The following SLC41A2 variants were observed in gnomAD, a reference collection of about 807,000 sequenced individuals.
SLC41A2 encodes solute carrier family 41 member 2, also known as SLC41A1-like 1.
In SLC41A2, 32 loss-of-function variants were observed where a neutral mutation model predicts 58.3. The observed-to-expected ratio is 0.55, with a 90% confidence interval of 0.41 to 0.74. The LOEUF is 0.74. SLC41A2 is among the 30% of genes least tolerant of loss of function. SLC41A2 has a pLI of 0.00. For synonymous variants in SLC41A2, 190 were observed against 235.0 expected, an observed-to-expected ratio of 0.81 and a Z score of 1.75; for missense variants, 514 against 680.6, an observed-to-expected ratio of 0.76 and a Z score of 2.72.
chr12:104,805,065 T>C lies in SLC41A2; in HGVS notation c.*87A>G. The C allele has an allele frequency of 3.4e-6, 4 of 1,182,200 alleles. No homozygotes were observed. The South Asian group carries it at 7.5e-5, about 22-fold the overall frequency. The allele number at this position is 1,182,200 out of a possible 1,614,324, so 73.2% of individuals were successfully genotyped here. ...AAGATTACCCTGGCAAAAGTCAAAC[T>C]ACTGATTTAAGAGTTTTGAAAAAGA... On this transcript the variant is annotated 3_prime_UTR_variant, in exon 11 of 11. Transcript: ENST00000258538.
chr12:104,926,903 C>A (rs2046865120), intron 2 of SLC41A2, among the ~76,000 whole-genome samples: 1 of 151,932 alleles, frequency 6.6e-6, no homozygotes, highest in Non-Finnish European at 1.5e-5. Context: ...CTGGGCAACA[C>A]AGCAAGACCT....
intron 10 of SLC41A2, among the ~76,000 whole-genome samples, chr12:104,843,743 G>A (rs912402517): frequency 2.0e-5 from 3 of 152,180 alleles, no homozygotes; most frequent in South Asian, 2.1e-4. Context: ...TCCTCCACAC[G>A]ATGCATTGCT....
intron 1 of SLC41A2, among the ~76,000 whole-genome samples, chr12:104,953,510 C>A (rs1470426074): frequency 6.6e-6 from 1 of 152,212 alleles, no homozygotes; most frequent in African/African-American, 2.4e-5. Flanking sequence ...CAGACAGGCT[C>A]CACCCGTGAG....
At chr12:104,837,349 G>A (rs921182069) in intron 10 of SLC41A2, among the ~76,000 whole-genome samples, 3 of 152,126 alleles carry the variant, frequency 2.0e-5, no homozygotes, top group African/African-American at 7.2e-5. Context: ...ACTTTCTGGG[G>A]TCAAAGGCTG....
intron 10 of SLC41A2, among the ~76,000 whole-genome samples, chr12:104,841,075 C>G (rs2042392218): frequency 6.6e-6 from 1 of 152,148 alleles, no homozygotes; most frequent in East Asian, 1.9e-4. Context: ...TAACCCCACT[C>G]ACTCTCAGGA....
At chr12:104,895,476 G>T in intron 3 of SLC41A2, 131 bp from the exon 4 acceptor site, 1 of 646,954 alleles carries the variant, frequency 1.5e-6, no homozygotes, top group Non-Finnish European at 2.7e-6. Flanking sequence ...ATTGTACTTT[G>T]AAAATAATTC....
chr12:104,890,626 T>G (rs1266878523), intron 4 of SLC41A2, among the ~76,000 whole-genome samples: 1 of 151,928 alleles, frequency 6.6e-6, no homozygotes, highest in Non-Finnish European at 1.5e-5. Flanking sequence ...AACTGAAAAA[T>G]GACTAATTGT....
At chr12:104,899,031 C>G (rs1018134837) in intron 3 of SLC41A2, among the ~76,000 whole-genome samples, 2 of 152,138 alleles carry the variant, frequency 1.3e-5, no homozygotes, top group African/African-American at 4.8e-5. Context: ...GGTGTAAAGG[C>G]CTTTGCTAGG....
intron 1 of SLC41A2, among the ~76,000 whole-genome samples, chr12:104,932,853 C>A: frequency 6.6e-6 from 1 of 151,802 alleles, no homozygotes; most frequent in East Asian, 1.9e-4. Context: ...AAACTGGATC[C>A]CTATCTCTCA....
At position 104,802,314 on chromosome 12, in the gene SLC41A2, GAAT is replaced by G. The variant is rs761362047; in HGVS notation, c.*2835_*2837del. Among the ~76,000 whole-genome samples the G allele has an allele frequency of 6.6e-6, 1 of 152,180 alleles. No individual in the cohort carries two copies. The highest frequency in any genetic ancestry group is 1.5e-5 in the Non-Finnish European group (1 of 68,022). ...TATGTTGTATAAAAAGAAATACAGT[GAAT>G]TCACATTACTTAAGACTGATAATAG... On this transcript the variant is annotated 3_prime_UTR_variant, in exon 11 of 11. Coordinates refer to ENST00000258538, the MANE Select transcript of SLC41A2 (RefSeq NM_001352171.3).
chr12:104,944,798 T>C (rs1219312791), intron 1 of SLC41A2, among the ~76,000 whole-genome samples: 1 of 152,104 alleles, frequency 6.6e-6, no homozygotes, highest in Non-Finnish European at 1.5e-5. Context: ...AAAGTGTGTT[T>C]CTAATATCCA....
At chr12:104,937,521 C>A (rs2047332057) in intron 1 of SLC41A2, among the ~76,000 whole-genome samples, 1 of 152,194 alleles carries the variant, frequency 6.6e-6, no homozygotes, top group African/African-American at 2.4e-5. Context: ...TACCACACAG[C>A]CTTGGCGTGT....
intron 6 of SLC41A2, among the ~76,000 whole-genome samples, chr12:104,880,346 C>T (rs1238615756): frequency 6.6e-6 from 1 of 152,172 alleles, no homozygotes; most frequent in Non-Finnish European, 1.5e-5. Context: ...GAACTTCCAA[C>T]ACTATGTTGA....
intron 8 of SLC41A2, among the ~76,000 whole-genome samples, chr12:104,855,452 A>C (rs908204829): frequency 1.3e-5 from 2 of 152,188 alleles, no homozygotes; most frequent in African/African-American, 4.8e-5. Context: ...GTATATTCCT[A>C]AATACTATAT....
At chr12:104,875,580 C>T (rs965544252) in intron 6 of SLC41A2, among the ~76,000 whole-genome samples, 7 of 152,180 alleles carry the variant, frequency 4.6e-5, no homozygotes, top group African/African-American at 1.2e-4. Flanking sequence ...CTGTTTGAGA[C>T]TATGAGTTTG....
At chr12:104,871,337 A>G (rs963485983) in intron 6 of SLC41A2, among the ~76,000 whole-genome samples, 1 of 152,222 alleles carries the variant, frequency 6.6e-6, no homozygotes, top group Non-Finnish European at 1.5e-5. Context: ...AAGGAGCAAC[A>G]ATCATGTGAA....
At position 104,928,096 on chromosome 12, in the gene SLC41A2, A is replaced by T. The variant is rs576107984; in HGVS notation, c.432T>A (p.Ile144=). The T allele has an allele frequency of 5.0e-6, 8 of 1,614,196 alleles. No homozygotes were observed. In the South Asian group the frequency reaches 8.8e-5, roughly 18 times the overall value. The change falls in exon 2 of 11, where the codon ATT becomes ATA. Residue 144 remains isoleucine, a synonymous_variant. Transcript: ENST00000258538. ...TTGGTAATTTTGGGGTCACTTCTACAATAGCATCTTCATCACCATCACTAG... is the reference window on the plus strand; with the variant it reads ...TTGGTAATTTTGGGGTCACTTCTACTATAGCATCTTCATCACCATCACTAG... ...DISSDGDEDA[I]VEVTPKLPKE...
chr12:104,846,705 T>C, intron 8 of SLC41A2, among the ~76,000 whole-genome samples: 1 of 152,194 alleles, frequency 6.6e-6, no homozygotes, highest in East Asian at 1.9e-4. Context: ...TAGTTAAGCC[T>C]TCCAGGCTGC....
At chr12:104,884,435 G>A (rs1354033218) in intron 6 of SLC41A2, among the ~76,000 whole-genome samples, 1 of 152,158 alleles carries the variant, frequency 6.6e-6, no homozygotes, top group African/African-American at 2.4e-5. Flanking sequence ...CTCACTGAGA[G>A]CTGTAGACTG....
Sources: allele counts gnomAD v4.1 joint callset (sites outside exome capture counted in the v4.1 genomes callset), GRCh38; gene constraint gnomAD v4.1.1; transcripts MANE v1.5; gene names NCBI Gene and HGNC (gene_info 2026-07-23, HGNC 2026-07-21).